GRID2: variants seen among roughly 807,000 people sequenced by gnomAD.
The protein encoded by GRID2 is glutamate ionotropic receptor delta type subunit 2, also known as glutamate receptor ionotropic, delta-2.
Under a neutral mutation model 114.8 loss-of-function variants are expected in GRID2, and 33 were observed. That is an observed-to-expected ratio of 0.29 (90% CI 0.22 to 0.38). The LOEUF (loss-of-function observed/expected upper bound fraction) is 0.38. Among genes scored for constraint, GRID2 ranks in the 10% least tolerant of loss-of-function variants. GRID2 has a pLI of 1.00. For synonymous variants in GRID2, 505 were observed against 449.9 expected, an observed-to-expected ratio of 1.12 and a Z score of -1.55; for missense variants, 1,184 against 1,257.7, an observed-to-expected ratio of 0.94 and a Z score of 0.89.
intron 2 of GRID2, among the ~76,000 whole-genome samples, chr4:92,993,352 A>T (rs1755018654): frequency 1.3e-5 from 2 of 151,566 alleles, no homozygotes; most frequent in South Asian, 2.1e-4. Flanking sequence ...AATTTACAGT[A>T]TTCTCTTCCC....
At chr4:93,193,218 TAC>T (rs1741158620) in intron 4 of GRID2, among the ~76,000 whole-genome samples, 1 of 152,084 alleles carries the variant, frequency 6.6e-6, no homozygotes, top group African/African-American at 2.4e-5. Flanking sequence ...CTCCCAGAAT[TAC>T]AGTTGTCAGC....
intron 8 of GRID2, among the ~76,000 whole-genome samples, chr4:93,368,837 C>T (rs557433059): frequency 6.6e-6 from 1 of 152,228 alleles, no homozygotes; most frequent in East Asian, 1.9e-4. Flanking sequence ...TTTAAAGAGT[C>T]TTCCACTTTA....
intron 4 of GRID2, among the ~76,000 whole-genome samples, chr4:93,163,199 TTA>T (rs1013942186): frequency 5.3e-5 from 8 of 151,466 alleles, no homozygotes; most frequent in Non-Finnish European, 1.0e-4. Context: ...CATATACAAA[TTA>T]TATGTGTATT....
chr4:93,686,642 C>T (rs1272967463), intron 14 of GRID2, among the ~76,000 whole-genome samples: 1 of 151,880 alleles, frequency 6.6e-6, no homozygotes, highest in Non-Finnish European at 1.5e-5. Context: ...ACAGTTAGGA[C>T]AGATCTTTTT....
At chr4:92,953,739 T>C (rs117228090) in intron 2 of GRID2, among the ~76,000 whole-genome samples, 2,259 of 152,150 alleles carry the variant, frequency 0.015, 19 homozygotes, top group East Asian at 0.053. Flanking sequence ...GAAGACTTCA[T>C]ACCATATTTT....
At chr4:92,630,465 T>A (rs894615332) in intron 2 of GRID2, among the ~76,000 whole-genome samples, 1 of 152,134 alleles carries the variant, frequency 6.6e-6, no homozygotes, top group African/African-American at 2.4e-5. Context: ...CAAGTGTCAT[T>A]TTCTTTAGGG....
chr4:92,562,003 A>T (rs575212024), intron 1 of GRID2, among the ~76,000 whole-genome samples: 2 of 152,326 alleles, frequency 1.3e-5, no homozygotes, highest in East Asian at 3.9e-4. Context: ...TTTAATAGGC[A>T]AACTCACACC....
At chr4:93,631,728 C>T (rs1383487551) in intron 14 of GRID2, among the ~76,000 whole-genome samples, 3 of 152,146 alleles carry the variant, frequency 2.0e-5, no homozygotes, top group Non-Finnish European at 4.4e-5. Context: ...TGGGTATATA[C>T]CCAGTAATGG....
chr4:93,229,749 G>T (rs1220552749), intron 7 of GRID2, among the ~76,000 whole-genome samples: 5 of 152,074 alleles, frequency 3.3e-5, no homozygotes, highest in East Asian at 1.9e-4. Context: ...TGAAACAAAA[G>T]AATTAAAAAT....
At position 93,607,759 on chromosome 4, in the gene GRID2, C is replaced by T. The variant is rs75593226; in HGVS notation, c.2194-18510C>T. Among the ~76,000 whole-genome samples the T allele has an allele frequency of 3.9e-3, 587 of 152,124 alleles. 2 individuals carry two copies. The highest frequency in any genetic ancestry group is 0.014 in the African/African-American group (563 of 41,502). ...AGTATGCCCCTCATTTTATTTTGTA[C>T]TCACCACTAATGAGTTTGGGTATTT... On this transcript the variant is annotated intron_variant, in intron 13 of 15. Transcript: ENST00000282020.
intron 9 of GRID2, among the ~76,000 whole-genome samples, chr4:93,416,082 C>A (rs571377185): frequency 6.6e-6 from 1 of 151,948 alleles, no homozygotes; most frequent in African/African-American, 2.4e-5. Context: ...ATCTGCTTTT[C>A]TTCTCTCCAT....
At chr4:93,678,870 T>A (rs543891384) in intron 14 of GRID2, among the ~76,000 whole-genome samples, 3 of 150,126 alleles carry the variant, frequency 2.0e-5, no homozygotes, top group Admixed American at 6.6e-5. Flanking sequence ...CTGCATCAAC[T>A]AACAAGCAAA....
At chr4:92,815,785 G>A (rs1345760140) in intron 2 of GRID2, among the ~76,000 whole-genome samples, 1 of 151,236 alleles carries the variant, frequency 6.6e-6, no homozygotes, top group Non-Finnish European at 1.5e-5. Flanking sequence ...ACTGGGCATT[G>A]TGGTGTGTAC....
At chr4:92,674,953 C>G (rs1000740038) in intron 2 of GRID2, among the ~76,000 whole-genome samples, 5 of 152,008 alleles carry the variant, frequency 3.3e-5, no homozygotes, top group African/African-American at 1.2e-4. Context: ...TTTTCTTTTT[C>G]TTATGGTCAT....
At position 93,009,482 on chromosome 4, in the gene GRID2, T is replaced by C. The variant is rs147429902; in HGVS notation, c.245-75513T>C. On this transcript the variant is annotated intron_variant, in intron 2 of 15. Coordinates refer to ENST00000282020, the MANE Select transcript of GRID2 (RefSeq NM_001510.4). ...GAACCTGAATGGAACGCAAGGACTC[T>C]CTTTGGAGAAAAATCTTCCTTATTC... Among the ~76,000 whole-genome samples, 3 of 152,294 alleles carry C rather than the reference T, an allele frequency of 2.0e-5. No homozygotes were observed. In the East Asian group the frequency reaches 5.8e-4, roughly 29 times the overall value.
At chr4:92,764,150 A>G in intron 2 of GRID2, among the ~76,000 whole-genome samples, 1 of 152,132 alleles carries the variant, frequency 6.6e-6, no homozygotes, top group East Asian at 1.9e-4. Context: ...ACTTTCTGGA[A>G]TGTATGACCG....
At chr4:92,448,044 A>G (rs1256109315) in intron 1 of GRID2, among the ~76,000 whole-genome samples, 1 of 152,242 alleles carries the variant, frequency 6.6e-6, no homozygotes, top group Non-Finnish European at 1.5e-5. Flanking sequence ...ATAAGACCTC[A>G]TGATCAAGTA....
In GRID2 at chr4:93,121,754, T is replaced by C. The variant is rs372881655; in HGVS notation, c.735+10801T>C. ...AAGTGTTTATACCAATTTTACTATT[T>C]GAAGTAGTAACTGAAAGCATTCCAA... On this transcript the variant is annotated intron_variant, in intron 4 of 15. Transcript: ENST00000282020. Among the ~76,000 whole-genome samples the C allele has an allele frequency of 8.5e-5, 13 of 152,332 alleles. 1 individual carries two copies. Among genetic ancestry groups the C allele is most frequent in the African/African-American group, 3.1e-4 (13 of 41,590 alleles).
chr4:92,552,580 T>C (rs1238769903), intron 1 of GRID2, among the ~76,000 whole-genome samples: 1 of 152,070 alleles, frequency 6.6e-6, no homozygotes, highest in Non-Finnish European at 1.5e-5. Context: ...ATGGAGAATA[T>C]AGGAGTTTCC....
Sources: gnomAD v4.1 joint callset for allele counts (sites outside exome capture counted in the v4.1 genomes callset) on GRCh38, gnomAD v4.1.1 for gene constraint, MANE v1.5 for transcripts, NCBI Gene and HGNC (gene_info 2026-07-23, HGNC 2026-07-21) for gene names.